Variants in ZNF398 observed in about 807,000 individuals in gnomAD.
The protein encoded by ZNF398 is zinc finger protein 398.
In ZNF398, 18 loss-of-function variants were observed where a neutral mutation model predicts 41.9. The observed-to-expected ratio is 0.43, with a 90% CI of 0.30 to 0.64. The LOEUF (loss-of-function observed/expected upper bound fraction) is 0.64. ZNF398 is among the 30% of genes least tolerant of loss of function. The pLI is 0.14. For synonymous variants in ZNF398, 260 were observed against 308.8 expected, an observed-to-expected ratio of 0.84 and a Z score of 1.66; for missense variants, 669 against 822.8, an observed-to-expected ratio of 0.81 and a Z score of 2.29.
At chr7:149,144,588 T>C (rs1826894069), upstream of ZNF398, among the ~76,000 whole-genome samples, 1 of 131,780 alleles carries the variant, frequency 7.6e-6, no homozygotes, top group African/African-American at 3.4e-5. Context: ...GGCTACTACA[T>C]TTTTTTTTTT....
chr7:149,178,625 A>G, intron 5 of ZNF398, 23 bp from the exon 6 acceptor site: 5 of 1,600,358 alleles, frequency 3.1e-6, no homozygotes, highest in Non-Finnish European at 4.3e-6. Context: ...TGATGGGTAT[A>G]ACTCTGGAGT....
intron 2 of ZNF398, among the ~76,000 whole-genome samples, chr7:149,129,348 A>G (rs542256182): frequency 1.2e-4 from 19 of 152,196 alleles, no homozygotes; most frequent in Admixed American, 1.2e-3. Flanking sequence ...TATCCATATC[A>G]TTGTGTGTGA....
intron 1 of ZNF398, chr7:149,148,153 A>C (rs1362797473): frequency 3.3e-5 from 7 of 211,408 alleles, no homozygotes; most frequent in Non-Finnish European, 6.6e-5. Flanking sequence ...GTCACCAGCA[A>C]TCTGAGCGGT....
At chr7:149,142,991 C>T (rs74908892), upstream of ZNF398, among the ~76,000 whole-genome samples, 128 of 152,170 alleles carry the variant, frequency 8.4e-4, no homozygotes, top group African/African-American at 2.5e-3. Flanking sequence ...TTTTATTGAT[C>T]GATGATTGAT....
intron 2 of ZNF398, among the ~76,000 whole-genome samples, chr7:149,137,233 T>G (rs1224637950): frequency 6.6e-6 from 1 of 152,140 alleles, no homozygotes; most frequent in East Asian, 1.9e-4. Context: ...TATTTTTAGA[T>G]TCTTGTTTTA....
At chr7:149,178,598 G>C in intron 5 of ZNF398, 50 bp from the exon 6 acceptor site, 1 of 1,490,190 alleles carries the variant, frequency 6.7e-7, no homozygotes, top group Non-Finnish European at 9.2e-7. Context: ...CATGAGAGTT[G>C]CTAGTGAGAC....
At chr7:149,127,298 A>C (rs1040566350) in intron 1 of ZNF398, among the ~76,000 whole-genome samples, 2 of 29,328 alleles carry the variant, frequency 6.8e-5, no homozygotes, top group Non-Finnish European at 2.2e-4. Context: ...TGTCCATGAG[A>C]AAGTAGTCCC....
At chr7:149,152,030 T>C (rs1380407963) in intron 1 of ZNF398, among the ~76,000 whole-genome samples, 1 of 151,966 alleles carries the variant, frequency 6.6e-6, no homozygotes, top group Non-Finnish European at 1.5e-5. Context: ...CAGGCTAACA[T>C]GGTGAAACCC....
chr7:149,145,918 G>A (rs1195657934), upstream of ZNF398, among the ~76,000 whole-genome samples: 3 of 141,892 alleles, frequency 2.1e-5, no homozygotes, highest in Non-Finnish European at 4.6e-5. Flanking sequence ...AACCTCACCA[G>A]AAAACACTTT....
upstream of ZNF398, among the ~76,000 whole-genome samples, chr7:149,146,103 G>A (rs375132471): frequency 6.6e-6 from 1 of 151,864 alleles, no homozygotes; most frequent in East Asian, 1.9e-4. Flanking sequence ...ACGACACCAC[G>A]CCCGGCTAAT....
At chr7:149,178,418 A>G (rs987834746) in intron 5 of ZNF398, among the ~76,000 whole-genome samples, 1 of 152,190 alleles carries the variant, frequency 6.6e-6, no homozygotes, top group African/African-American at 2.4e-5. Context: ...ACGCCACTGT[A>G]CTCCATCGTG....
intron 2 of ZNF398, among the ~76,000 whole-genome samples, chr7:149,141,492 T>C (rs1826826410): frequency 6.8e-6 from 1 of 147,820 alleles, no homozygotes; most frequent in Non-Finnish European, 1.5e-5. Flanking sequence ...TCTCACTCTG[T>C]AGCCCAGGCT....
chr7:149,133,026 C>T (rs981346198), intron 2 of ZNF398, among the ~76,000 whole-genome samples: 4 of 152,022 alleles, frequency 2.6e-5, no homozygotes, highest in Admixed American at 1.3e-4. Context: ...CCTATATCAG[C>T]GGTGAGGACA....
intron 2 of ZNF398, among the ~76,000 whole-genome samples, chr7:149,155,707 ATTTT>A (rs1359986695): frequency 4.2e-4 from 31 of 73,536 alleles, no homozygotes; most frequent in African/African-American, 2.0e-3. Flanking sequence ...ATATATATAT[ATTTT>A]TTTTTTTTTT....
chr7:149,131,488 C>A (rs866999798), intron 2 of ZNF398, among the ~76,000 whole-genome samples: 3 of 152,084 alleles, frequency 2.0e-5, no homozygotes, highest in Non-Finnish European at 4.4e-5. Context: ...GAGATTGAGA[C>A]AATCCTGGCC....
rs764525821 is a variant in ZNF398, at chr7:149,154,282, G to A, written c.362G>A (p.Arg121His). The A allele has an allele frequency of 4.3e-6, 7 of 1,613,948 alleles. No homozygotes were observed. Among genetic ancestry groups the A allele is most frequent in the African/African-American group, 4.0e-5 (3 of 74,912 alleles). The change falls in exon 2 of 6, where the codon CGC (arginine) becomes CAC (histidine). Residue 121 changes from arginine (R) to histidine (H), a missense_variant. This residue lies in a region of ZNF398 where 169 missense variants were observed against 239.5 expected (regional missense o/e 0.71). Transcript: ENST00000475153. ...RRLENLENLL[R>H]NRNFWILRLP... is the part of the protein sequence containing the mutation. ...CTGGAGAACTTGGAGAACCTGCTGC[G>A]CAACAGGAACTTCTGGATCCTGCGG...
intron 2 of ZNF398, among the ~76,000 whole-genome samples, chr7:149,160,254 C>CG (rs1359915594): frequency 6.6e-6 from 1 of 151,964 alleles, no homozygotes; most frequent in Non-Finnish European, 1.5e-5. Context: ...CTGGCTGACA[C>CG]GGGGGTCTCA....
intron 2 of ZNF398, among the ~76,000 whole-genome samples, chr7:149,142,135 A>ACTCT (rs1303104160): frequency 6.6e-6 from 1 of 152,104 alleles, no homozygotes; most frequent in East Asian, 1.9e-4. Flanking sequence ...GAGCTTGTAG[A>ACTCT]GATAATTGCT....
At chr7:149,126,449 G>T (rs919743545) in exon 1 of ZNF398, 6 of 669,408 alleles carry the variant, frequency 9.0e-6, no homozygotes, top group African/African-American at 1.9e-5. Context: ...GGCACCCTCC[G>T]TGCGGGCCGC....
Sources: gnomAD v4.1 joint callset for allele counts (sites outside exome capture counted in the v4.1 genomes callset) on GRCh38, gnomAD v4.1.1 for gene constraint, gnomAD v4.1.1 regional missense constraint, MANE v1.5 for transcripts, NCBI Gene and HGNC (gene_info 2026-07-23, HGNC 2026-07-21) for gene names.